Variants in LRCH3 observed in about 807,000 individuals in gnomAD.
The protein encoded by LRCH3 is DISP complex protein LRCH3.
In LRCH3, 68 loss-of-function variants were observed where a neutral mutation model predicts 104.5. That is an observed-to-expected ratio of 0.65 (90% CI 0.54 to 0.80). The LOEUF (loss-of-function observed/expected upper bound fraction) is 0.80, where lower values mean the gene tolerates loss of function less well. LRCH3 is among the 30% of genes least tolerant of loss of function. LRCH3 has a pLI of 0.00. For synonymous variants in LRCH3, 344 were observed against 361.3 expected, an observed-to-expected ratio of 0.95 and a Z score of 0.54; for missense variants, 951 against 953.9, an observed-to-expected ratio of 1.00 and a Z score of 0.04.
At chr3:197,797,801 A>G (rs1731396428) in intron 1 of LRCH3, among the ~76,000 whole-genome samples, 1 of 146,154 alleles carries the variant, frequency 6.8e-6, no homozygotes, top group African/African-American at 2.5e-5. Context: ...TGGAGGTTGC[A>G]GTGAGCTGAG....
intron 8 of LRCH3, among the ~76,000 whole-genome samples, 177 bp from the exon 9 acceptor site, chr3:197,835,497 T>TAAAAAAAAAA (rs79382131): frequency 7.4e-6 from 1 of 135,098 alleles, no homozygotes; most frequent in African/African-American, 2.9e-5. Flanking sequence ...ATAAAATGGG[T>TAAAAAAAAAA]AAAAAAAAAA....
Position 197,883,273 on chromosome 3 carries a change from G to T in LRCH3, c.2209-268G>T. Reference sequence around the variant, plus strand: ...CACCCTGCGGTATTGTTTTCCCTCTGTTGTATGTATAGATATATGCTACTT... The same window carrying T: ...CACCCTGCGGTATTGTTTTCCCTCTTTTGTATGTATAGATATATGCTACTT... On this transcript the variant is annotated intron_variant, in intron 20 of 20. Coordinates refer to ENST00000425562, the MANE Select transcript of LRCH3 (RefSeq NM_001365715.1). This position sits in a 1 kb window ranked among gnomAD's most constrained non-coding sequence, Gnocchi z 4.2. 8.6e-7 allele frequency: 1 copy of T among 1,167,022 alleles called. No homozygotes were observed. Among genetic ancestry groups the T allele is most frequent in the Non-Finnish European group, 1.1e-6 (1 of 942,724 alleles). The allele number at this position is 1,167,022 out of a possible 1,614,324, so 72.3% of individuals were successfully genotyped here.
In LRCH3 at chr3:197,883,020, C is replaced by A. The variant is rs1041443993; in HGVS notation, c.2209-521C>A. The A allele has an allele frequency of 2.7e-5, 27 of 985,288 alleles. No homozygotes were observed. The African/African-American group carries it at 4.5e-4, about 17-fold the overall frequency. 61.0% of individuals were successfully genotyped at this position (985,288 alleles called of 1,614,324 possible). On this transcript the variant is annotated intron_variant, in intron 20 of 20. Coordinates refer to ENST00000425562, the MANE Select transcript of LRCH3 (RefSeq NM_001365715.1). This position sits in a 1 kb window ranked among gnomAD's most constrained non-coding sequence, Gnocchi z 4.2. ...TTTCTTGCCCTATCTGGTCTGGAAA[C>A]CCTGGTTTTCACAGTCAGGATTATA...
chr3:197,860,703 T>C (rs1740776192), intron 15 of LRCH3, among the ~76,000 whole-genome samples: 1 of 152,156 alleles, frequency 6.6e-6, no homozygotes, highest in Non-Finnish European at 1.5e-5. Context: ...TTATATCAGG[T>C]AAATGGGCTA....
At chr3:197,819,757 C>G (rs1394842695) in intron 3 of LRCH3, among the ~76,000 whole-genome samples, 1 of 151,894 alleles carries the variant, frequency 6.6e-6, no homozygotes, top group Non-Finnish European at 1.5e-5. Flanking sequence ...GATTCTACTT[C>G]AATTATTAAT....
intron 1 of LRCH3, among the ~76,000 whole-genome samples, chr3:197,801,104 A>AAG (rs60914773): frequency 1.4e-5 from 2 of 147,812 alleles, no homozygotes; most frequent in African/African-American, 2.5e-5. Flanking sequence ...CAAAAAAAAA[A>AAG]ACAAGAAAAT....
rs1014475433 is a variant in LRCH3 at position 197,791,292 on chromosome 3, G to A, written c.14G>A (p.Gly5Asp). The A allele has an allele frequency of 6.2e-6, 10 of 1,608,662 alleles. No individual in the cohort carries two copies. The highest frequency in any genetic ancestry group is 1.3e-5 in the African/African-American group (1 of 74,648). The part of the protein sequence containing the change: MAAA[G>D]LVAVAAAAEY... ...GTCGGCTGGGAAATGGCGGCCGCGG[G>A]CTTGGTCGCTGTGGCAGCGGCTGCC... Residue 5 changes from glycine to aspartate, a missense_variant, in exon 1 of 21, where the codon GGC becomes GAC. Transcript: ENST00000425562.
chr3:197,805,156 G>A (rs912172360), intron 1 of LRCH3, among the ~76,000 whole-genome samples: 2 of 152,312 alleles, frequency 1.3e-5, no homozygotes, highest in East Asian at 3.9e-4. Context: ...GCCTCCCAAA[G>A]TGCTGGGATT....
intron 1 of LRCH3, 87 bp from the exon 2 acceptor site, chr3:197,814,820 TA>T (rs1303959741): frequency 6.1e-6 from 7 of 1,154,476 alleles, no homozygotes; most frequent in Non-Finnish European, 7.2e-6. Flanking sequence ...ATAATAGTTT[TA>T]TTTTTTAGTT....
chr3:197,817,346 C>CTGTGTGTGTCTGTG, intron 3 of LRCH3, 44 bp downstream of exon 3: 2 of 258,928 alleles, frequency 7.7e-6, no homozygotes, highest in Non-Finnish European at 1.0e-5. Context: ...GTGTGTGTGT[C>CTGTGTGTGTCTGTG]TGTGTGTGTG....
At position 197,791,335 on chromosome 3, in the gene LRCH3, A is replaced by G. The variant is rs746080057; in HGVS notation, c.57A>G (p.Val19=). ...VAAAAEYSGT[V]ASGGNLPGVH... is the part of the protein sequence containing the mutation. ...CGGCTGCCGAGTACTCTGGCACGGTAGCGTCGGGAGGTAACCTCCCTGGTG... is the reference window on the plus strand; with the variant it reads ...CGGCTGCCGAGTACTCTGGCACGGTGGCGTCGGGAGGTAACCTCCCTGGTG... Residue 19 remains valine (V), a synonymous_variant, in exon 1 of 21, where the codon GTA becomes GTG. Transcript: ENST00000425562. 3.7e-6 allele frequency: 6 copies of G among 1,609,034 alleles called. No homozygotes were observed. Among genetic ancestry groups the G allele is most frequent in the South Asian group, 1.1e-5 (1 of 90,318 alleles).
intron 20 of LRCH3, chr3:197,880,862 A>G: frequency 1.4e-6 from 2 of 1,448,002 alleles, no homozygotes; most frequent in South Asian, 3.0e-5. Context: ...CTTTCTTTAT[A>G]TTTGCAGATG....
intron 20 of LRCH3, chr3:197,881,981 T>A: frequency 5.1e-6 from 5 of 985,476 alleles, no homozygotes; most frequent in Non-Finnish European, 6.0e-6. Context: ...AACTTCAGTT[T>A]TCTGTGTCAG....
intron 15 of LRCH3, among the ~76,000 whole-genome samples, chr3:197,862,196 G>A (rs1024092679): frequency 3.3e-5 from 5 of 152,132 alleles, no homozygotes; most frequent in South Asian, 2.1e-4. Flanking sequence ...GGATTTTACC[G>A]TGTTGGCCAG....
At position 197,871,338 on chromosome 3, in the gene LRCH3, G is replaced by T; in HGVS notation, c.2006G>T (p.Arg669Leu). ...TTGTTCTTTCAGCATATTGAGTACC[G>T]GTTGAAAGTGTCTCTACCTTGTGAT... ...IDQLRKHIEY[R>L]LKVSLPCDLG... Residue 669 changes from arginine (R) to leucine (L), a missense_variant, in exon 19 of 21, where the codon CGG becomes CTG. By Grantham distance (102) the Arg-to-Leu change is moderately radical (BLOSUM62 -2). Coordinates refer to ENST00000425562, the MANE Select transcript of LRCH3 (RefSeq NM_001365715.1). 3.1e-6 allele frequency: 5 copies of T among 1,612,582 alleles called. No individual in the cohort carries two copies. Among genetic ancestry groups the T allele is most frequent in the Non-Finnish European group, 4.2e-6 (5 of 1,179,060 alleles).
intron 14 of LRCH3, among the ~76,000 whole-genome samples, chr3:197,858,392 C>T (rs977931328): frequency 3.9e-5 from 6 of 152,048 alleles, no homozygotes; most frequent in Non-Finnish European, 5.9e-5. Flanking sequence ...TAGGTTGATG[C>T]AGAATCCTCA....
chr3:197,824,576 T>TG (rs1734903448), intron 4 of LRCH3, among the ~76,000 whole-genome samples: 1 of 149,702 alleles, frequency 6.7e-6, no homozygotes, highest in Non-Finnish European at 1.5e-5. Context: ...TGCCCAGCTT[T>TG]TTTTTTTTTT....
intron 19 of LRCH3, among the ~76,000 whole-genome samples, chr3:197,873,652 G>C (rs1022097465): frequency 6.6e-6 from 1 of 152,134 alleles, no homozygotes; most frequent in African/African-American, 2.4e-5. Flanking sequence ...TTGGGCCCAG[G>C]AGTTTGAGGC....
rs139595910 is a variant in LRCH3, at chr3:197,866,272, C to T, written c.1873+53C>T. ...GAGCGAGGGGAGGTTTACACAACGA[C>T]GCTAGCTGTTAGATGGATGCTTTTA... On this transcript the variant is annotated intron_variant, in intron 17 of 20. Coordinates refer to ENST00000425562, the MANE Select transcript of LRCH3 (RefSeq NM_001365715.1). 2.4e-4 allele frequency: 303 copies of T among 1,262,172 alleles called. No individual in the cohort carries two copies. The East Asian group carries it at 6.3e-3, about 26-fold the overall frequency. The allele number at this position is 1,262,172 out of a possible 1,614,324, so 78.2% of individuals were successfully genotyped here.
Sources: allele counts gnomAD v4.1 joint callset (sites outside exome capture counted in the v4.1 genomes callset), GRCh38; gene constraint gnomAD v4.1.1; non-coding constraint Gnocchi (gnomAD v3.1); transcripts MANE v1.5; gene names NCBI Gene and HGNC (gene_info 2026-07-23, HGNC 2026-07-21).